TRAK1: variants seen among roughly 807,000 people sequenced by gnomAD.
The protein encoded by TRAK1 is trafficking kinesin protein 1.
Under a neutral mutation model 92.1 loss-of-function variants are expected in TRAK1, and 33 were observed. The observed-to-expected ratio is 0.36, with a 90% confidence interval of 0.27 to 0.48. TRAK1 has a LOEUF of 0.48. Ranked by LOEUF, TRAK1 falls within the 20% of genes least tolerant of loss-of-function variation. The pLI is 0.99. For missense variants in TRAK1, 1,123 were observed against 1,257.9 expected, an observed-to-expected ratio of 0.89 and a Z score of 1.62; for synonymous variants, 521 against 517.3, an observed-to-expected ratio of 1.01 and a Z score of -0.10.
At chr3:42,015,719 T>A (rs947541048) in intron 1 of TRAK1, among the ~76,000 whole-genome samples, 1 of 152,146 alleles carries the variant, frequency 6.6e-6, no homozygotes, top group Non-Finnish European at 1.5e-5. Context: ...ATAGGTTTAT[T>A]ATGAGGGTCA....
chr3:42,100,266 C>T (rs1043701100), intron 1 of TRAK1, among the ~76,000 whole-genome samples: 1 of 152,140 alleles, frequency 6.6e-6, no homozygotes, highest in Non-Finnish European at 1.5e-5. Flanking sequence ...ACTTGGGAGG[C>T]TGAGGTGGGA....
chr3:42,051,177 A>G (rs1702966236), intron 1 of TRAK1: 1 of 152,156 alleles, frequency 6.6e-6, no homozygotes, highest in Non-Finnish European at 1.5e-5. Flanking sequence ...CATTCATTTA[A>G]TTTTTAATCC....
chr3:42,199,050 G>A, intron 10 of TRAK1, 127 bp from the exon 11 acceptor site: 1 of 886,054 alleles, frequency 1.1e-6, no homozygotes, highest in Non-Finnish European at 1.8e-6. Context: ...AGTTTGTGTT[G>A]TGGGAAGACC....
intron 2 of TRAK1, among the ~76,000 whole-genome samples, chr3:42,143,796 T>G (rs146921721): frequency 6.6e-6 from 1 of 152,252 alleles, no homozygotes; most frequent in Non-Finnish European, 1.5e-5. Flanking sequence ...GGACTCTTGG[T>G]GTGAAGGAAA....
intron 2 of TRAK1, among the ~76,000 whole-genome samples, chr3:42,134,198 T>G (rs1048651229): frequency 2.4e-5 from 1 of 41,412 alleles, no homozygotes; most frequent in Non-Finnish European, 4.3e-5. Context: ...CCCCCTCCCC[T>G]TCCCCTTCCC....
intron 2 of TRAK1, among the ~76,000 whole-genome samples, chr3:42,171,160 G>C (rs1009864410): frequency 6.6e-6 from 1 of 152,094 alleles, no homozygotes; most frequent in East Asian, 1.9e-4. Flanking sequence ...TGAGTTATAA[G>C]TGTCTTCTTG....
chr3:42,014,200 CGCGTGAGATAGTGGCG>C (rs1439892531), intron 1 of TRAK1: 1 of 152,332 alleles, frequency 6.6e-6, no homozygotes, highest in African/African-American at 2.4e-5. Context: ...TGGGAGTGTC[CGCGTGAGATAGTGGCG>C]GCGTGAGAGG....
intron 1 of TRAK1, 29 bp from the exon 2 acceptor site, chr3:42,125,391 C>G: frequency 6.2e-7 from 1 of 1,600,422 alleles, no homozygotes; most frequent in Non-Finnish European, 8.5e-7. Context: ...CATTTCTGGG[C>G]TCTCATTTCT....
At chr3:42,116,289 G>T (rs188166733) in intron 1 of TRAK1, among the ~76,000 whole-genome samples, 81 of 152,362 alleles carry the variant, frequency 5.3e-4, no homozygotes, top group African/African-American at 1.9e-3. Context: ...ATTCAATGAG[G>T]AGGTTGCGCC....
chr3:42,135,835 C>T (rs547624297), intron 2 of TRAK1, among the ~76,000 whole-genome samples: 1 of 152,184 alleles, frequency 6.6e-6, no homozygotes, highest in South Asian at 2.1e-4. Flanking sequence ...TGGCTGTTGC[C>T]TCTCTGCAGG....
At chr3:42,201,112 T>C (rs1707483776) in intron 12 of TRAK1, 58 bp downstream of exon 12, 11 of 1,542,344 alleles carry the variant, frequency 7.1e-6, no homozygotes, top group African/African-American at 1.4e-5. Flanking sequence ...GTAGTATGGA[T>C]TGTCTGCAGG....
At position 42,217,117 on chromosome 3, in the gene TRAK1, T is replaced by A. The variant is rs1019805859; in HGVS notation, c.1964-2377T>A. On this transcript the variant is annotated intron_variant, in intron 14 of 15. Coordinates refer to ENST00000327628, the MANE Select transcript of TRAK1 (RefSeq NM_001042646.3). ...TCTCTCTTTTTTTTTTTTTTTTTTT[T>A]AGAACTTGCTCTCTTCCTGCACCCA... 7.1e-3 allele frequency: 1,532 copies of A among 217,232 alleles called. 11 individuals are homozygous for A. The highest frequency in any genetic ancestry group is 7.9e-3 in the Non-Finnish European group (1,035 of 131,268). The allele number at this position is 217,232 out of a possible 1,614,324, so 13.5% of individuals were successfully genotyped here. A position where few individuals can be genotyped will look rare whatever the true frequency, so the allele number is the denominator to read the frequency against.
At chr3:42,090,229 G>A (rs1704935798), upstream of TRAK1, among the ~76,000 whole-genome samples, 1 of 152,188 alleles carries the variant, frequency 6.6e-6, no homozygotes, top group African/African-American at 2.4e-5. Flanking sequence ...TGTGGAGGAG[G>A]CGATGACCCA....
intron 6 of TRAK1, among the ~76,000 whole-genome samples, chr3:42,191,173 G>A (rs1401565338): frequency 1.3e-5 from 2 of 152,180 alleles, no homozygotes; most frequent in African/African-American, 4.8e-5. Flanking sequence ...GATGCCTGCT[G>A]TGGGTAGTGT....
At chr3:42,107,107 A>T (rs1458316165) in intron 1 of TRAK1, among the ~76,000 whole-genome samples, 1 of 152,156 alleles carries the variant, frequency 6.6e-6, no homozygotes, top group Non-Finnish European at 1.5e-5. Context: ...GGACAGGGGG[A>T]GGGATGTGGG....
At chr3:42,183,510 C>T (rs376804713) in intron 3 of TRAK1, among the ~76,000 whole-genome samples, 2 of 144,688 alleles carry the variant, frequency 1.4e-5, no homozygotes, top group Non-Finnish European at 3.0e-5. Context: ...GAGCCGAGAT[C>T]GTGCTACTGT....
chr3:42,193,740 C>A, intron 8 of TRAK1, 84 bp from the exon 9 acceptor site: 1 of 1,334,780 alleles, frequency 7.5e-7, no homozygotes. Context: ...GTGATGAGTT[C>A]ATTACAGATT....
chr3:42,146,519 G>A (rs1037746975), intron 2 of TRAK1: 1 of 155,630 alleles, frequency 6.4e-6, no homozygotes, highest in Admixed American at 6.5e-5. Flanking sequence ...ACTTTCATGT[G>A]ATGCTTTGAG....
chr3:42,189,319 G>A (rs1197576841), intron 6 of TRAK1, among the ~76,000 whole-genome samples, 195 bp downstream of exon 6: 4 of 152,140 alleles, frequency 2.6e-5, no homozygotes, highest in African/African-American at 9.7e-5. Flanking sequence ...TCCCTGGCTG[G>A]GGCAGGCAAA....
Sources: allele counts gnomAD v4.1 joint callset (sites outside exome capture counted in the v4.1 genomes callset), GRCh38; gene constraint gnomAD v4.1.1; transcripts MANE v1.5; gene names NCBI Gene and HGNC (gene_info 2026-07-23, HGNC 2026-07-21).